The following ZW10 variants were observed in gnomAD, a reference collection of about 807,000 sequenced individuals.
ZW10 encodes the protein centromere/kinetochore protein zw10 homolog.
ZW10 carries 53 observed loss-of-function variants against 87.8 expected under a neutral mutation model. The observed-to-expected ratio is 0.60, with a 90% CI of 0.48 to 0.76. The LOEUF is 0.76. Ranked by LOEUF, ZW10 falls within the 30% of genes least tolerant of loss-of-function variation. The pLI, the probability that ZW10 is intolerant of heterozygous loss-of-function variation, is 0.00. For missense variants in ZW10, 837 were observed against 923.0 expected (o/e 0.91, Z 1.21); for synonymous variants, 312 against 329.2 (o/e 0.95, Z 0.57).
intron 15 of ZW10, among the ~76,000 whole-genome samples, chr11:113,734,722 T>C (rs960046961): frequency 1.3e-5 from 2 of 151,760 alleles, no homozygotes; most frequent in East Asian, 3.9e-4. Flanking sequence ...GAAGACTTGC[T>C]GGAGCGTGGG....
At chr11:113,762,176 T>C (rs192301409) in intron 2 of ZW10, among the ~76,000 whole-genome samples, 11 of 152,330 alleles carry the variant, frequency 7.2e-5, no homozygotes, top group Admixed American at 2.0e-4. Context: ...TATATAAAAC[T>C]ATTGCTCTTA....
At chr11:113,750,869 T>A (rs868073267) in intron 7 of ZW10, among the ~76,000 whole-genome samples, 2 of 152,010 alleles carry the variant, frequency 1.3e-5, no homozygotes, top group Non-Finnish European at 2.9e-5. Flanking sequence ...TTTTTTTTTT[T>A]AATTTTCTTA....
At chr11:113,737,762 G>A (rs1200803744) in intron 13 of ZW10, 59 bp from the exon 14 acceptor site, 7 of 1,524,202 alleles carry the variant, frequency 4.6e-6, no homozygotes, top group South Asian at 1.3e-5. Flanking sequence ...GTATTTTCCA[G>A]ATTTACATTT....
chr11:113,741,569 C>A (rs1277069163), intron 11 of ZW10, 125 bp downstream of exon 11: 2 of 552,494 alleles, frequency 3.6e-6, no homozygotes, highest in African/African-American at 2.0e-5. Context: ...TGATTTACTG[C>A]ATTTTAGTGT....
intron 1 of ZW10, among the ~76,000 whole-genome samples, chr11:113,770,187 C>T (rs1374577142): frequency 4.1e-5 from 6 of 145,934 alleles, no homozygotes; most frequent in Non-Finnish European, 8.9e-5. Context: ...CTCCCGGGTA[C>T]AAGCGATTCT....
chr11:113,739,149 T>C (rs1254897443), intron 12 of ZW10, 64 bp downstream of exon 12: 3 of 1,567,172 alleles, frequency 1.9e-6, no homozygotes, highest in Admixed American at 1.9e-5. Context: ...TCAAAAACTA[T>C]AAAGATACTA....
At chr11:113,767,533 C>T (rs989712316) in intron 2 of ZW10, among the ~76,000 whole-genome samples, 1 of 152,106 alleles carries the variant, frequency 6.6e-6, no homozygotes, top group Admixed American at 6.6e-5. Context: ...TAGAGAAAGT[C>T]ACTACCCTTT....
chr11:113,754,398 T>A (rs751762476), intron 7 of ZW10, among the ~76,000 whole-genome samples: 4 of 151,902 alleles, frequency 2.6e-5, no homozygotes, highest in Non-Finnish European at 4.4e-5. Flanking sequence ...GGCACGAGAA[T>A]CGCTTGAACC....
chr11:113,770,176 C>T (rs1200663329), intron 1 of ZW10, among the ~76,000 whole-genome samples: 3 of 149,772 alleles, frequency 2.0e-5, no homozygotes, highest in Non-Finnish European at 4.4e-5. Flanking sequence ...GCAACCTCCA[C>T]CTCCCGGGTA....
rs115820905 is a variant in ZW10 at position 113,757,867 on chromosome 11, T to C, written c.734-14A>G. ...GCAGCATCTGACCTGAAAAATCATA[T>C]GAACATTCATCAAAAAATCACCATA... On this transcript the variant is annotated splice_polypyrimidine_tract_variant and intron_variant, in intron 6 of 15. Coordinates refer to ENST00000200135, the MANE Select transcript of ZW10 (RefSeq NM_004724.4). The C allele has an allele frequency of 1.3e-3, 2,000 of 1,571,762 alleles. 27 individuals are homozygous for C. In the African/African-American group the frequency reaches 0.025, roughly 20 times the overall value.
At chr11:113,750,745 G>A (rs1953725728) in intron 7 of ZW10, among the ~76,000 whole-genome samples, 1 of 152,146 alleles carries the variant, frequency 6.6e-6, no homozygotes, top group African/African-American at 2.4e-5. Flanking sequence ...AATAAAAAGT[G>A]TGATTTTAAC....
chr11:113,766,361 T>G (rs1020082259), intron 2 of ZW10, among the ~76,000 whole-genome samples: 18 of 150,680 alleles, frequency 1.2e-4, no homozygotes, highest in African/African-American at 4.2e-4. Flanking sequence ...TGAAACCGTC[T>G]CAAAAAAATA....
intron 9 of ZW10, among the ~76,000 whole-genome samples, chr11:113,746,008 G>A (rs373414012): frequency 7.9e-5 from 8 of 101,036 alleles, no homozygotes; most frequent in African/African-American, 2.5e-4. Flanking sequence ...ATTTGGCAAT[G>A]TCTGGAGATA....
intron 9 of ZW10, among the ~76,000 whole-genome samples, chr11:113,746,355 T>C (rs77274325): frequency 0.015 from 2,299 of 152,316 alleles, 64 homozygotes; most frequent in African/African-American, 0.051. Flanking sequence ...TAATGCTGTT[T>C]ACATCAAGGA....
intron 13 of ZW10, among the ~76,000 whole-genome samples, chr11:113,737,936 T>A (rs1415036357): frequency 6.6e-6 from 1 of 152,162 alleles, no homozygotes; most frequent in African/African-American, 2.4e-5. Flanking sequence ...GATAAATCAC[T>A]TAAGAAAGGG....
At chr11:113,773,199 T>A (rs1306767343) in intron 1 of ZW10, among the ~76,000 whole-genome samples, 1 of 151,784 alleles carries the variant, frequency 6.6e-6, no homozygotes, top group East Asian at 1.9e-4. Context: ...CCTCGGAGCT[T>A]CCAGTTGCTC....
chr11:113,765,173 C>A (rs1428968686), intron 2 of ZW10, among the ~76,000 whole-genome samples: 2 of 152,182 alleles, frequency 1.3e-5, no homozygotes, highest in Admixed American at 6.5e-5. Context: ...GGGTGAGAAA[C>A]CCTGCTTTAT....
At chr11:113,744,775 C>G (rs547211464) in intron 9 of ZW10, among the ~76,000 whole-genome samples, 3 of 152,084 alleles carry the variant, frequency 2.0e-5, no homozygotes, top group Admixed American at 6.6e-5. Context: ...AGGCGGGTCT[C>G]GAACACCTGG....
At chr11:113,746,964 G>A (rs543574561) in intron 9 of ZW10, among the ~76,000 whole-genome samples, 41 of 151,058 alleles carry the variant, frequency 2.7e-4, no homozygotes, top group Admixed American at 1.1e-3. Flanking sequence ...ATAATCAATT[G>A]ACATTTATGT....
Sources: allele counts gnomAD v4.1 joint callset (sites outside exome capture counted in the v4.1 genomes callset), GRCh38; gene constraint gnomAD v4.1.1; transcripts MANE v1.5; gene names NCBI Gene and HGNC (gene_info 2026-07-23, HGNC 2026-07-21).